USP32: variants seen among roughly 807,000 people sequenced by gnomAD.
The protein encoded by USP32 is ubiquitin carboxyl-terminal hydrolase 32.
A neutral mutation model predicts 204.8 loss-of-function variants in USP32; 59 were observed. The ratio of observed to expected loss-of-function variants is 0.29; its 90% CI spans 0.23 to 0.36. USP32 has a LOEUF of 0.36. Among genes scored for constraint, USP32 ranks in the 10% least tolerant of loss-of-function variants. The probability of loss-of-function intolerance (pLI) is 1.00; values close to 1 mark genes in which losing one functional copy is unlikely to be tolerated. For missense variants in USP32, 1,160 were observed against 1,946.4 expected (o/e 0.60, Z 7.60); for synonymous variants, 517 against 678.4 (o/e 0.76, Z 3.70).
At chr17:60,210,601 C>G (rs1444972416) in intron 21 of USP32, among the ~76,000 whole-genome samples, 1 of 152,204 alleles carries the variant, frequency 6.6e-6, no homozygotes, top group Non-Finnish European at 1.5e-5. Flanking sequence ...GCCCCTGCGC[C>G]CAGCCTACTT....
At chr17:60,222,576 G>A (rs1195697347) in intron 14 of USP32, 27 bp from the exon 15 acceptor site, 1 of 1,601,864 alleles carries the variant, frequency 6.2e-7, no homozygotes, top group Non-Finnish European at 8.5e-7. Context: ...TGACAATGTT[G>A]ACTTTCAATA....
At chr17:60,203,396 C>CAAAAA (rs554691150) in intron 26 of USP32, among the ~76,000 whole-genome samples, 3 of 24,378 alleles carry the variant, frequency 1.2e-4, no homozygotes, top group African/African-American at 2.7e-4. Flanking sequence ...GCGAGACTGT[C>CAAAAA]AAAAAAAAAA....
intron 2 of USP32, among the ~76,000 whole-genome samples, chr17:60,309,725 A>T (rs1272003725): frequency 6.6e-6 from 1 of 152,160 alleles, no homozygotes; most frequent in Non-Finnish European, 1.5e-5. Flanking sequence ...CAATACTATA[A>T]TGAGTTAAAA....
chr17:60,205,742 G>A, intron 25 of USP32, 84 bp from the exon 26 acceptor site: 1 of 1,206,146 alleles, frequency 8.3e-7, no homozygotes, highest in Non-Finnish European at 1.2e-6. Context: ...GAGGACCAGA[G>A]ACAGTGTAGT....
At position 60,190,562 on chromosome 17, in the gene USP32, C is replaced by A; in HGVS notation, c.3642+1G>T. The A allele has an allele frequency of 1.3e-6, 2 of 1,575,300 alleles. No homozygotes were observed. The highest frequency in any genetic ancestry group is 1.7e-6 in the Non-Finnish European group (2 of 1,167,782). ...ATTTTATGGTGGCCCTAAATACTTA[C>A]CCTTTCCTGGGATGTTTGATAGCGA... On this transcript the variant is annotated splice_donor_variant, in intron 29 of 33. Transcript: ENST00000300896. LOFTEE classifies it high-confidence loss of function.
intron 28 of USP32, among the ~76,000 whole-genome samples, chr17:60,191,118 G>A (rs1297349791): frequency 6.6e-6 from 1 of 152,066 alleles, no homozygotes; most frequent in Non-Finnish European, 1.5e-5. Flanking sequence ...AAAGTTTACA[G>A]GGGCCGGGCA....
At chr17:60,253,787 A>T (rs112937397) in intron 10 of USP32, among the ~76,000 whole-genome samples, 3,270 of 152,162 alleles carry the variant, frequency 0.021, 136 homozygotes, top group African/African-American at 0.075. Flanking sequence ...AATAAATAAA[A>T]AATAAAAAAT....
chr17:60,231,586 C>G, intron 12 of USP32: 1 of 518,456 alleles, frequency 1.9e-6, no homozygotes, highest in Non-Finnish European at 3.9e-6. Flanking sequence ...GAGGGCTGCT[C>G]TTGGCCTCCA....
chr17:60,226,054 C>A lies in USP32; in HGVS notation c.1417G>T (p.Glu473Ter). The change falls in exon 13 of 34, where the codon GAA (glutamate) becomes TAA (stop). Residue 473 changes from glutamate (E) to a stop codon, truncating the protein, a stop_gained. Transcript: ENST00000300896. LOFTEE classifies it high-confidence loss of function. ...DNISTASEAS[E>*]TAGSGFLYSA... Reference sequence around the variant, plus strand: ...TCATATTTACCGCTGCCAGCAGTTTCTGAGGCTTCAGATGCAGTAGAAATG... The same window carrying A: ...TCATATTTACCGCTGCCAGCAGTTTATGAGGCTTCAGATGCAGTAGAAATG... 6.2e-7 allele frequency: 1 copy of A among 1,603,622 alleles called. No homozygotes were observed. Among genetic ancestry groups the A allele is most frequent in the South Asian group, 1.1e-5 (1 of 88,348 alleles).
chr17:60,244,987 TAAA>T (rs2085977229), intron 11 of USP32, among the ~76,000 whole-genome samples: 1 of 152,194 alleles, frequency 6.6e-6, no homozygotes, highest in Non-Finnish European at 1.5e-5. Context: ...GTATAGAAAC[TAAA>T]AAAGTGTAGA....
intron 1 of USP32, among the ~76,000 whole-genome samples, chr17:60,372,078 G>A (rs1226380799): frequency 1.3e-5 from 2 of 152,176 alleles, no homozygotes; most frequent in African/African-American, 4.8e-5. Context: ...AAGTGGCTAA[G>A]GTGGAAGGAA....
At chr17:60,201,307 A>C (rs1219851584) in intron 26 of USP32, among the ~76,000 whole-genome samples, 1 of 152,088 alleles carries the variant, frequency 6.6e-6, no homozygotes, top group African/African-American at 2.4e-5. Context: ...TCTACAACTA[A>C]TGGACATGCA....
chr17:60,410,758 G>C (rs893196505), intron 1 of USP32, among the ~76,000 whole-genome samples: 1 of 151,976 alleles, frequency 6.6e-6, no homozygotes, highest in African/African-American at 2.4e-5. Context: ...TAAATCACAA[G>C]AGTCAAAAGC....
intron 5 of USP32, among the ~76,000 whole-genome samples, chr17:60,279,428 T>C (rs2086912576): frequency 6.6e-6 from 1 of 151,262 alleles, no homozygotes; most frequent in East Asian, 1.9e-4. Context: ...GAGGCGGCAT[T>C]GAGCCATAAT....
intron 2 of USP32, among the ~76,000 whole-genome samples, chr17:60,303,527 C>A (rs992384783): frequency 2.7e-5 from 4 of 150,622 alleles, no homozygotes; most frequent in Admixed American, 6.6e-5. Context: ...AGAGCCCTAA[C>A]CCCTAAAAAA....
chr17:60,351,511 C>T (rs1037714653), intron 1 of USP32, among the ~76,000 whole-genome samples: 4 of 152,090 alleles, frequency 2.6e-5, no homozygotes, highest in African/African-American at 7.2e-5. Flanking sequence ...TCACTGCAAC[C>T]TCTGTCTCCC....
chr17:60,414,108 A>T (rs2090041026), intron 1 of USP32, among the ~76,000 whole-genome samples: 1 of 152,060 alleles, frequency 6.6e-6, no homozygotes, highest in African/African-American at 2.4e-5. Flanking sequence ...CACGCCTATA[A>T]TCCCAGCGCT....
rs944775816 is a variant in USP32, at chr17:60,179,129, G to A, written c.*126C>T. ...CTATTTTAATTAGAATTTTTATTTT[G>A]TGCTTCAGGGCCACAGGATAAAATA... On this transcript the variant is annotated 3_prime_UTR_variant, in exon 34 of 34. Coordinates refer to ENST00000300896, the MANE Select transcript of USP32 (RefSeq NM_032582.4). 1.3e-5 allele frequency: 14 copies of A among 1,069,352 alleles called. No homozygotes were observed. Among genetic ancestry groups the A allele is most frequent in the Non-Finnish European group, 1.7e-5 (13 of 766,306 alleles). 66.2% of individuals were successfully genotyped at this position (1,069,352 alleles called of 1,614,324 possible). A position where few individuals can be genotyped will look rare whatever the true frequency, so the allele number is the denominator to read the frequency against.
chr17:60,246,660 A>G (rs2086035261), intron 11 of USP32, among the ~76,000 whole-genome samples: 1 of 152,190 alleles, frequency 6.6e-6, no homozygotes, highest in South Asian at 2.1e-4. Flanking sequence ...ATTCCCATCA[A>G]TAGTGTACTA....
Sources: allele counts gnomAD v4.1 joint callset (sites outside exome capture counted in the v4.1 genomes callset), GRCh38; gene constraint gnomAD v4.1.1; transcripts MANE v1.5; gene names NCBI Gene and HGNC (gene_info 2026-07-23, HGNC 2026-07-21).